The following BLTP3A variants were observed in gnomAD, a reference collection of about 807,000 sequenced individuals.
BLTP3A encodes the protein bridge-like lipid transfer protein family member 3A, also known as ICBP90 binding protein 1.
the BLTP3A span, among the ~76,000 whole-genome samples, chr6:34,812,628 T>C: frequency 6.6e-6 from 1 of 151,842 alleles, no homozygotes; most frequent in African/African-American, 2.4e-5. Context: ...TGCATCCAGC[T>C]AATTAATTTT....
chr6:34,793,164 C>G, the BLTP3A span, among the ~76,000 whole-genome samples: 1 of 152,072 alleles, frequency 6.6e-6, no homozygotes, highest in Admixed American at 6.6e-5. Context: ...GGAGGCTGGC[C>G]GGCAAAACAG....
At chr6:34,864,926 C>T in the BLTP3A span, among the ~76,000 whole-genome samples, 1 of 152,034 alleles carries the variant, frequency 6.6e-6, no homozygotes, top group Non-Finnish European at 1.5e-5. Flanking sequence ...TGAGATTGCG[C>T]CACTGCATTC....
the BLTP3A span, among the ~76,000 whole-genome samples, chr6:34,828,782 C>T: frequency 9.2e-5 from 14 of 151,914 alleles, no homozygotes; most frequent in African/African-American, 3.1e-4. Context: ...AATCCCAGCA[C>T]TTTAAGAGGC....
At chr6:34,859,096 C>T in the BLTP3A span, 25 of 1,614,038 alleles carry the variant, frequency 1.5e-5, no homozygotes, top group East Asian at 4.5e-5. Flanking sequence ...TTCAGAGGAT[C>T]GGGAACTGAA....
At chr6:34,835,322 A>G in the BLTP3A span, 1 of 1,614,184 alleles carries the variant, frequency 6.2e-7, no homozygotes, top group Non-Finnish European at 8.5e-7. Flanking sequence ...ATATCCTCCA[A>G]GCTGATGTTC....
chr6:34,796,623 T>A, the BLTP3A span, among the ~76,000 whole-genome samples: 1 of 152,246 alleles, frequency 6.6e-6, no homozygotes. Context: ...CCTTTCGTTA[T>A]ACAAATAAGA....
At chr6:34,820,192 T>C in the BLTP3A span, among the ~76,000 whole-genome samples, 1 of 152,180 alleles carries the variant, frequency 6.6e-6, no homozygotes, top group East Asian at 1.9e-4. Context: ...GCTTGCTTCC[T>C]GAGATAATAG....
the BLTP3A span, among the ~76,000 whole-genome samples, chr6:34,818,889 G>A: frequency 3.3e-5 from 5 of 152,192 alleles, no homozygotes; most frequent in African/African-American, 4.8e-5. Context: ...ACTTTTGCAC[G>A]TCATGATTTT....
At chr6:34,800,770 G>T in the BLTP3A span, among the ~76,000 whole-genome samples, 1 of 152,100 alleles carries the variant, frequency 6.6e-6, no homozygotes, top group African/African-American at 2.4e-5. Context: ...ACAAAAATAA[G>T]ATATATTTAT....
chr6:34,817,753 C>A, the BLTP3A span, among the ~76,000 whole-genome samples: 1 of 152,054 alleles, frequency 6.6e-6, no homozygotes, highest in Non-Finnish European at 1.5e-5. Context: ...TATTTCATTA[C>A]TGAAAGCTGT....
chr6:34,843,596 C>CA, the BLTP3A span, among the ~76,000 whole-genome samples: 1 of 152,112 alleles, frequency 6.6e-6, no homozygotes, highest in Admixed American at 6.6e-5. Context: ...ATTTGTGTTA[C>CA]AAACATTCTA....
the BLTP3A span, among the ~76,000 whole-genome samples, chr6:34,812,542 C>G: frequency 4.6e-5 from 7 of 152,244 alleles, no homozygotes; most frequent in African/African-American, 1.4e-4. Flanking sequence ...ACCATCGTAG[C>G]CCACTGCACC....
the BLTP3A span, chr6:34,876,777 A>G: frequency 6.6e-6 from 1 of 152,142 alleles, no homozygotes; most frequent in East Asian, 1.9e-4. Context: ...GATTATTCCC[A>G]TGCACCTCTG....
chr6:34,841,048 G>C, the BLTP3A span, among the ~76,000 whole-genome samples: 1 of 152,074 alleles, frequency 6.6e-6, no homozygotes, highest in African/African-American at 2.4e-5. Context: ...CCCCAGGCTG[G>C]TCTCTTTAAC....
chr6:34,863,902 A>G, the BLTP3A span: 1 of 1,186,978 alleles, frequency 8.4e-7, no homozygotes, highest in Non-Finnish European at 1.1e-6. Flanking sequence ...TGGGAACTTT[A>G]TCCAGTTGTC....
the BLTP3A span, among the ~76,000 whole-genome samples, chr6:34,808,114 C>T: frequency 2.6e-5 from 4 of 151,094 alleles, no homozygotes; most frequent in Non-Finnish European, 4.4e-5. Context: ...GAGGCCGAGG[C>T]GGGTGGATCA....
At chr6:34,802,721 A>T in the BLTP3A span, among the ~76,000 whole-genome samples, 1 of 152,202 alleles carries the variant, frequency 6.6e-6, no homozygotes. Context: ...AACATCTGAC[A>T]ACTTTGTCTT....
chr6:34,805,695 A>T, the BLTP3A span, among the ~76,000 whole-genome samples: 4 of 138,448 alleles, frequency 2.9e-5, no homozygotes, highest in Admixed American at 3.1e-4. Context: ...CCTGCCCAGG[A>T]GTTCAAGACC....
the BLTP3A span, chr6:34,834,790 C>T: frequency 6.2e-7 from 1 of 1,614,114 alleles, no homozygotes. Flanking sequence ...CAATGGTGAT[C>T]AGGACCCAGT....
Sources: allele counts gnomAD v4.1 joint callset (sites outside exome capture counted in the v4.1 genomes callset), GRCh38; gene constraint gnomAD v4.1.1; transcripts MANE v1.5; gene names NCBI Gene and HGNC (gene_info 2026-07-23, HGNC 2026-07-21).